CSMD1: variants seen among roughly 807,000 people sequenced by gnomAD.
CSMD1 encodes the protein CUB and Sushi multiple domains 1.
In CSMD1, 213 loss-of-function variants were observed where a neutral mutation model predicts 417.5. The ratio of observed to expected loss-of-function variants is 0.51; its 90% confidence interval spans 0.46 to 0.57. The LOEUF is 0.57. Among genes scored for constraint, CSMD1 ranks in the 20% least tolerant of loss-of-function variants. CSMD1 has a pLI of 0.00. For synonymous variants in CSMD1, 2,862 were observed against 1,736.8 expected (o/e 1.65, Z -16.11); for missense variants, 6,923 against 4,529.7 (o/e 1.53, Z -15.17).
chr8:2,941,540 T>C (rs1801873706), intron 69 of CSMD1, among the ~76,000 whole-genome samples: 1 of 152,198 alleles, frequency 6.6e-6, no homozygotes, highest in Non-Finnish European at 1.5e-5. Flanking sequence ...ATTATCCATA[T>C]ATGGAAAAAA....
In CSMD1 at chr8:3,219,121, T is replaced by C. The variant is rs867383860; in HGVS notation, c.4672+134A>G. On this transcript the variant is annotated intron_variant, in intron 29 of 69. Coordinates refer to ENST00000635120, the MANE Select transcript of CSMD1 (RefSeq NM_033225.6). ...TCACTGGAGAGGGAGGAGACATGTA[T>C]CTTCCCAGACAGAGGAGACACATAT... 1.5e-4 allele frequency: 99 copies of C among 652,758 alleles called. No individual in the cohort carries two copies. The Middle Eastern group carries it at 3.4e-3, about 22-fold the overall frequency. 40.4% of individuals were successfully genotyped at this position (652,758 alleles called of 1,614,324 possible). A position where few individuals can be genotyped will look rare whatever the true frequency, so the allele number is the denominator to read the frequency against.
chr8:3,973,425 T>A (rs73658514), intron 5 of CSMD1, among the ~76,000 whole-genome samples: 4 of 152,360 alleles, frequency 2.6e-5, no homozygotes, highest in African/African-American at 4.8e-5. Context: ...GTGAAGTTTA[T>A]GCAAATTATA....
intron 1 of CSMD1, among the ~76,000 whole-genome samples, chr8:4,993,978 T>G (rs1185080909): frequency 1.3e-5 from 2 of 151,736 alleles, no homozygotes; most frequent in Non-Finnish European, 2.9e-5. Flanking sequence ...CCCCGACCCG[T>G]GGAGTCCACG....
chr8:4,565,287 T>A (rs891776191), intron 2 of CSMD1, among the ~76,000 whole-genome samples: 1 of 152,230 alleles, frequency 6.6e-6, no homozygotes, highest in Non-Finnish European at 1.5e-5. Flanking sequence ...TGAACAAGTG[T>A]AACTGTAAAT....
intron 3 of CSMD1, among the ~76,000 whole-genome samples, chr8:4,347,836 C>T (rs572549199): frequency 9.6e-6 from 1 of 104,254 alleles, no homozygotes; most frequent in South Asian, 2.8e-4. Context: ...TTCTCTCGTT[C>T]AAAGAAACAA....
In CSMD1 at chr8:4,345,292, G is replaced by C. The variant is rs554365008; in HGVS notation, c.415+74661C>G. Among the ~76,000 whole-genome samples, 5 of 152,240 alleles carry C rather than the reference G, an allele frequency of 3.3e-5. No individual in the cohort carries two copies. In the East Asian group the frequency reaches 9.7e-4, roughly 29 times the overall value. On this transcript the variant is annotated intron_variant, in intron 3 of 69. Transcript: ENST00000635120. Reference sequence around the variant, plus strand: ...ACTTATGCTTTCTATGAGGATTAACGATGTTTGAACACCCTAGAAGGTAAC... The same window carrying C: ...ACTTATGCTTTCTATGAGGATTAACCATGTTTGAACACCCTAGAAGGTAAC...
At chr8:4,855,359 C>G (rs1015610068) in intron 1 of CSMD1, among the ~76,000 whole-genome samples, 1 of 152,182 alleles carries the variant, frequency 6.6e-6, no homozygotes, top group African/African-American at 2.4e-5. Flanking sequence ...CAGAGCGCCT[C>G]TCCTCCTCCA....
chr8:3,498,043 T>G (rs1796439951), intron 10 of CSMD1, among the ~76,000 whole-genome samples: 1 of 152,230 alleles, frequency 6.6e-6, no homozygotes, highest in Non-Finnish European at 1.5e-5. Flanking sequence ...TTCTTACAAC[T>G]CTAATGTATA....
chr8:3,095,756 C>T (rs1046396418), intron 47 of CSMD1, among the ~76,000 whole-genome samples: 23 of 152,118 alleles, frequency 1.5e-4, no homozygotes, highest in Non-Finnish European at 3.1e-4. Flanking sequence ...TGTAACTGGT[C>T]TAATTTTCTG....
chr8:4,636,000 T>C (rs1229037047), intron 2 of CSMD1, among the ~76,000 whole-genome samples: 2 of 152,098 alleles, frequency 1.3e-5, no homozygotes, highest in East Asian at 3.9e-4. Context: ...TAAAATATAT[T>C]TGAAAATATA....
At chr8:4,186,891 G>C (rs1798710532) in intron 3 of CSMD1, among the ~76,000 whole-genome samples, 1 of 151,908 alleles carries the variant, frequency 6.6e-6, no homozygotes, top group South Asian at 2.1e-4. Context: ...AGCTACTCGG[G>C]AGGCTGAGGC....
intron 1 of CSMD1, among the ~76,000 whole-genome samples, chr8:4,764,226 G>A (rs1419015476): frequency 6.6e-6 from 1 of 152,164 alleles, no homozygotes. Context: ...ATAAAAGTTA[G>A]ACAGTCGTAT....
chr8:2,998,305 C>T (rs1333675003), intron 53 of CSMD1, 121 bp from the exon 54 acceptor site: 2 of 934,900 alleles, frequency 2.1e-6, no homozygotes, highest in Admixed American at 2.3e-5. Context: ...TTCCACTAAC[C>T]AGGCAGCTTA....
At chr8:4,905,761 A>G (rs772867481) in intron 1 of CSMD1, among the ~76,000 whole-genome samples, 226 of 144,220 alleles carry the variant, frequency 1.6e-3, no homozygotes, top group Non-Finnish European at 2.4e-3. Flanking sequence ...CGGAGCTTGC[A>G]GTGAGCCGAG....
In CSMD1 at chr8:3,997,950, T is replaced by C; in HGVS notation, c.771A>G (p.Glu257=). 2 of 1,612,268 alleles carry C rather than the reference T, an allele frequency of 1.2e-6. No individual in the cohort carries two copies. The highest frequency in any genetic ancestry group is 1.7e-6 in the Non-Finnish European group (2 of 1,179,146). Residue 257 remains glutamate, a synonymous_variant, in exon 5 of 70, where the codon GAA becomes GAG. Transcript: ENST00000635120. ...ALVFTDFQLE[E]GYDFLEISGT... Reference sequence around the variant, plus strand: ...CACTGATCTCTAAGAAATCATATCCTTCTTCTAGCTGAAAGTCAGTGAAGA... The same window carrying C: ...CACTGATCTCTAAGAAATCATATCCCTCTTCTAGCTGAAAGTCAGTGAAGA...
chr8:3,356,804 G>C (rs995901783), intron 21 of CSMD1, among the ~76,000 whole-genome samples: 1 of 152,230 alleles, frequency 6.6e-6, no homozygotes, highest in Non-Finnish European at 1.5e-5. Flanking sequence ...GAGGCTGCTG[G>C]CTGAGCACTG....
chr8:4,192,161 G>C (rs960193731), intron 3 of CSMD1, among the ~76,000 whole-genome samples: 2 of 152,092 alleles, frequency 1.3e-5, no homozygotes, highest in African/African-American at 2.4e-5. Context: ...GCACCAATAG[G>C]CATGTTATAA....
At chr8:3,970,998 G>A (rs186487017) in intron 5 of CSMD1, among the ~76,000 whole-genome samples, 4 of 152,194 alleles carry the variant, frequency 2.6e-5, no homozygotes, top group East Asian at 3.9e-4. Context: ...TGATCCCCCC[G>A]CCTCAGACTC....
intron 1 of CSMD1, among the ~76,000 whole-genome samples, chr8:4,645,612 A>C (rs1803471618): frequency 6.6e-6 from 1 of 152,100 alleles, no homozygotes. Flanking sequence ...CCCATTTTGC[A>C]AAGTAATTGT....
Sources: gnomAD v4.1 joint callset for allele counts (sites outside exome capture counted in the v4.1 genomes callset) on GRCh38, gnomAD v4.1.1 for gene constraint, MANE v1.5 for transcripts, NCBI Gene and HGNC (gene_info 2026-07-23, HGNC 2026-07-21) for gene names.